KIAA1217: variants seen among roughly 807,000 people sequenced by gnomAD.
KIAA1217 encodes KIAA1217, also known as sickle tail protein homolog.
In KIAA1217, 88 loss-of-function variants were observed where a neutral mutation model predicts 163.9. The observed-to-expected ratio is 0.54, with a 90% CI of 0.45 to 0.64. The LOEUF is 0.64. KIAA1217 is among the 30% of genes least tolerant of loss of function. KIAA1217 has a pLI of 0.00. For missense variants in KIAA1217, 2,372 were observed against 2,475.0 expected (o/e 0.96, Z 0.88); for synonymous variants, 903 against 923.1 (o/e 0.98, Z 0.39).
rs1168769864 is a variant in KIAA1217 at position 24,080,087 on chromosome 10, A to G, written c.-171+72713A>G. Among the ~76,000 whole-genome samples, 10 of 152,288 alleles carry G rather than the reference A, an allele frequency of 6.6e-5. 1 individual carries two copies. The South Asian group carries it at 8.3e-4, about 13-fold the overall frequency. ...CCTGTGTCCTGTGGGCAGTGCCCCC[A>G]CATCCTTCAAATCCTTCTTCTATTT... On this transcript the variant is annotated intron_variant, in intron 2 of 18. Coordinates refer to the KIAA1217 transcript ENST00000376462.
intron 2 of KIAA1217, among the ~76,000 whole-genome samples, chr10:24,228,058 T>TA (rs1157160472): frequency 6.6e-6 from 1 of 151,918 alleles, no homozygotes; most frequent in Non-Finnish European, 1.5e-5. Flanking sequence ...GTGGATCACT[T>TA]AAGTACAGGA....
At position 23,805,779 on chromosome 10, in the gene KIAA1217, C is replaced by T. The variant is rs1306033708; in HGVS notation, c.-321+110545C>T. Among the ~76,000 whole-genome samples, 7 of 151,630 alleles carry T rather than the reference C, an allele frequency of 4.6e-5. No homozygotes were observed. The South Asian group carries it at 8.3e-4, about 18-fold the overall frequency. The stretch of plus-strand genomic sequence containing the variant: ...CCGTAATCCCAGCACTTTGGGAGGC[C>T]GAGGCGGGTGGGTCCCCTGAGGTCA... On this transcript the variant is annotated intron_variant, in intron 1 of 18. Transcript: ENST00000376462.
At chr10:23,921,945 A>G (rs1842860381) in intron 1 of KIAA1217, among the ~76,000 whole-genome samples, 1 of 152,040 alleles carries the variant, frequency 6.6e-6, no homozygotes, top group South Asian at 2.1e-4. Flanking sequence ...TTGTGTGCTA[A>G]TGGATGATTG....
At chr10:24,324,271 AAAC>A (rs1482381535) in intron 2 of KIAA1217, among the ~76,000 whole-genome samples, 2 of 151,718 alleles carry the variant, frequency 1.3e-5, no homozygotes, top group African/African-American at 4.8e-5. Context: ...CTGTCTCAAA[AAAC>A]AACAGCAACA....
At position 24,533,132 on chromosome 10, in the gene KIAA1217, G is replaced by T. The variant is rs1385467740; in HGVS notation, c.3309G>T (p.Glu1103Asp). ...GAGCTACAAAATATCCAGCAGAGGAGCCTGCTTCAGCCTGGACCCCATCCC... is the reference window on the plus strand; with the variant it reads ...GAGCTACAAAATATCCAGCAGAGGATCCTGCTTCAGCCTGGACCCCATCCC... Reference protein sequence around the residue: ...QTRATKYPAEEPASAWTPSPP... With the variant: ...QTRATKYPAEDPASAWTPSPP... Residue 1103 changes from glutamate to aspartate, a missense_variant, in exon 16 of 21, where the codon GAG (glutamate) becomes GAT (aspartate). This residue lies in a region of KIAA1217 where 1,431 missense variants were observed against 1,470.3 expected (regional missense o/e 0.97). Coordinates refer to ENST00000376454, the MANE Select transcript of KIAA1217 (RefSeq NM_019590.5). The T allele has an allele frequency of 1.2e-6, 2 of 1,613,864 alleles. No homozygotes were observed. Among genetic ancestry groups the T allele is most frequent in the East Asian group, 2.2e-5 (1 of 44,868 alleles).
chr10:23,932,539 G>T (rs929789426), intron 1 of KIAA1217, among the ~76,000 whole-genome samples: 3 of 152,178 alleles, frequency 2.0e-5, no homozygotes, highest in African/African-American at 7.2e-5. Flanking sequence ...GTGTGTGGGA[G>T]TGTTGAATAA....
chr10:24,370,215 A>G lies in KIAA1217; in HGVS notation c.355-10654A>G, dbSNP rs1374622525. ...GGGAGGCGGAGCCTGCAGTGAGCCA[A>G]GATCACGCCACTGCACTCCAGCCTG... is the stretch of plus-strand genomic sequence containing the variant. On this transcript the variant is annotated intron_variant, in intron 2 of 20. Coordinates refer to ENST00000376454, the MANE Select transcript of KIAA1217 (RefSeq NM_019590.5). 2.7e-5 allele frequency among the ~76,000 whole-genome samples: 4 copies of G among 148,184 alleles called. No homozygotes were observed. The South Asian group carries it at 9.2e-4, about 34-fold the overall frequency.
intron 2 of KIAA1217, among the ~76,000 whole-genome samples, chr10:24,119,157 A>C (rs557013761): frequency 6.6e-6 from 1 of 152,280 alleles, no homozygotes; most frequent in Non-Finnish European, 1.5e-5. Flanking sequence ...TTTTTATGTC[A>C]AGACTCATTT....
chr10:23,958,513 G>A (rs1292824168), intron 1 of KIAA1217, among the ~76,000 whole-genome samples: 1 of 152,206 alleles, frequency 6.6e-6, no homozygotes, highest in East Asian at 1.9e-4. Context: ...AACAATTTAA[G>A]AGACAGTGCA....
intron 2 of KIAA1217, among the ~76,000 whole-genome samples, chr10:24,107,485 G>C (rs2062677733): frequency 1.3e-5 from 2 of 152,162 alleles, no homozygotes; most frequent in Non-Finnish European, 2.9e-5. Context: ...GGCTAAACTA[G>C]TTTACACTCC....
chr10:24,545,832 T>C lies in KIAA1217; in HGVS notation c.5340T>C (p.Asn1780=). ...LQDPRQYRQA[N]GSAKKSGGDF... ...CCCGCCATCTTTATTTGCAGGCTAA[T>C]GGAAGTGCTAAGAAATCTGGTGGGG... Residue 1780 remains asparagine (N), a synonymous_variant, in exon 21 of 21, where the codon AAT becomes AAC. Coordinates refer to ENST00000376454, the MANE Select transcript of KIAA1217 (RefSeq NM_019590.5). 6.3e-7 allele frequency: 1 copy of C among 1,588,360 alleles called. No homozygotes were observed. Among genetic ancestry groups the C allele is most frequent in the Non-Finnish European group, 8.6e-7 (1 of 1,168,808 alleles).
intron 2 of KIAA1217, among the ~76,000 whole-genome samples, chr10:24,091,722 A>C (rs1186032194): frequency 6.6e-6 from 1 of 151,868 alleles, no homozygotes; most frequent in Non-Finnish European, 1.5e-5. Context: ...CTGAACTTGC[A>C]GCTTTGCTTC....
intron 2 of KIAA1217, among the ~76,000 whole-genome samples, chr10:24,232,520 C>T (rs2071557220): frequency 6.6e-6 from 1 of 152,034 alleles, no homozygotes; most frequent in African/African-American, 2.4e-5. Flanking sequence ...AAGGCAAGAA[C>T]CGAAGTCTAG....
At chr10:23,905,593 G>T (rs1842127108) in intron 1 of KIAA1217, among the ~76,000 whole-genome samples, 1 of 152,050 alleles carries the variant, frequency 6.6e-6, no homozygotes, top group Non-Finnish European at 1.5e-5. Context: ...TCTGAAAGAT[G>T]CCCCACAGGA....
intron 1 of KIAA1217, among the ~76,000 whole-genome samples, chr10:23,987,676 A>G (rs1846043358): frequency 1.3e-5 from 2 of 151,820 alleles, no homozygotes; most frequent in African/African-American, 4.8e-5. Flanking sequence ...CTCTCTTAGC[A>G]ATTTTTAAGA....
At chr10:23,977,346 CAAAT>C (rs1845583785) in intron 1 of KIAA1217, among the ~76,000 whole-genome samples, 1 of 152,060 alleles carries the variant, frequency 6.6e-6, no homozygotes, top group Non-Finnish European at 1.5e-5. Flanking sequence ...GAAGGGAGGG[CAAAT>C]ATCATTACCT....
At chr10:24,277,932 A>G (rs1281250741) in intron 2 of KIAA1217, among the ~76,000 whole-genome samples, 1 of 148,866 alleles carries the variant, frequency 6.7e-6, no homozygotes, top group Non-Finnish European at 1.5e-5. Context: ...CTCCCCTGTG[A>G]TAGAAAGCAG....
At chr10:24,387,937 C>T (rs1406950237) in intron 3 of KIAA1217, among the ~76,000 whole-genome samples, 2 of 152,096 alleles carry the variant, frequency 1.3e-5, no homozygotes, top group Non-Finnish European at 2.9e-5. Flanking sequence ...ATTCCATGCT[C>T]ATGGATAGGA....
At chr10:23,954,088 T>C (rs1174734563) in intron 1 of KIAA1217, among the ~76,000 whole-genome samples, 1 of 152,210 alleles carries the variant, frequency 6.6e-6, no homozygotes, top group Non-Finnish European at 1.5e-5. Context: ...CTGAAGGGTT[T>C]GTTATTTTCC....
Sources: gnomAD v4.1 joint callset for allele counts (sites outside exome capture counted in the v4.1 genomes callset) on GRCh38, gnomAD v4.1.1 for gene constraint, gnomAD v4.1.1 regional missense constraint, MANE v1.5 for transcripts, NCBI Gene and HGNC (gene_info 2026-07-23, HGNC 2026-07-21) for gene names.